UGT1A10: variants seen among roughly 807,000 people sequenced by gnomAD.
The protein encoded by UGT1A10 is UDP glucuronosyltransferase family 1 member A10, also known as UDP-glucuronosyltransferase 1A10.
UGT1A10 carries 49 observed loss-of-function variants against 45.8 expected under a neutral mutation model. The observed-to-expected ratio is 1.07, with a 90% CI of 0.85 to 1.36. The LOEUF is 1.36. UGT1A10 is among the 40% of genes most tolerant of loss of function. UGT1A10 has a pLI of 0.00. For missense variants in UGT1A10, 745 were observed against 668.6 expected (o/e 1.11, Z -1.26); for synonymous variants, 284 against 249.7 (o/e 1.14, Z -1.29).
At chr2:233,692,224 G>A (rs996571902) in intron 1 of UGT1A10, 1 of 152,382 alleles carries the variant, frequency 6.6e-6, no homozygotes, top group Admixed American at 6.5e-5. Context: ...AGAGATGGCA[G>A]ATGGGGCTCC....
At chr2:233,727,226 G>A (rs1435452926) in intron 1 of UGT1A10, among the ~76,000 whole-genome samples, 6 of 152,126 alleles carry the variant, frequency 3.9e-5, no homozygotes, top group Non-Finnish European at 8.8e-5. Flanking sequence ...CCACATATGC[G>A]GATGGCTCCA....
intron 1 of UGT1A10, chr2:233,693,318 T>C (rs2075145288): frequency 6.2e-7 from 1 of 1,614,116 alleles, no homozygotes; most frequent in African/African-American, 1.3e-5. Context: ...CGATCATTCC[T>C]AACTGCTCCT....
chr2:233,769,915 T>C lies in UGT1A10; in HGVS notation c.1295+1476T>C, dbSNP rs906114329. 1 of 293,246 alleles carries C rather than the reference T, an allele frequency of 3.4e-6. No individual in the cohort carries two copies. The allele number at this position is 293,246 out of a possible 1,614,324, so 18.2% of individuals were successfully genotyped here. Reference sequence around the variant, plus strand: ...ACCTGAGCATCATGTGCCCAGAGCGTTGGGTGGTGTGGTCCCATTCCTTCC... The same window carrying C: ...ACCTGAGCATCATGTGCCCAGAGCGCTGGGTGGTGTGGTCCCATTCCTTCC... On this transcript the variant is annotated intron_variant, in intron 4 of 4. Transcript: ENST00000344644. The surrounding 1 kb of genome is among the most constrained non-coding windows in gnomAD (Gnocchi z 4.4).
chr2:233,768,023 G>A, intron 3 of UGT1A10, 87 bp downstream of exon 3: 1 of 1,613,460 alleles, frequency 6.2e-7, no homozygotes, highest in Non-Finnish European at 8.5e-7. Flanking sequence ...GGATTGTTGA[G>A]CTTGAAAATA....
chr2:233,766,357 C>T (rs1461708777), intron 1 of UGT1A10, among the ~76,000 whole-genome samples: 1 of 152,122 alleles, frequency 6.6e-6, no homozygotes, highest in Non-Finnish European at 1.5e-5. Flanking sequence ...CCTGCCGGTG[C>T]CTGTTGGTGA....
chr2:233,726,566 C>G (rs772348074), intron 1 of UGT1A10, among the ~76,000 whole-genome samples: 4 of 152,178 alleles, frequency 2.6e-5, no homozygotes, highest in African/African-American at 2.4e-5. Flanking sequence ...CCCACTCTTA[C>G]GCCTGTCTCC....
rs1228937957 is a variant in UGT1A10 at position 233,725,058 on chromosome 2, G to C, written c.856-41976G>C. Reference sequence around the variant, plus strand: ...CAAAACCAGTCAGGCGTGGCGGCGCGCGCCTGCAATCGCAGGCACTCGGCA... The same window carrying C: ...CAAAACCAGTCAGGCGTGGCGGCGCCCGCCTGCAATCGCAGGCACTCGGCA... On this transcript the variant is annotated intron_variant, in intron 1 of 4. Coordinates refer to ENST00000344644, the MANE Select transcript of UGT1A10 (RefSeq NM_019075.4). Among the ~76,000 whole-genome samples the C allele has an allele frequency of 2.0e-5, 3 of 147,402 alleles. 1 individual carries two copies. The highest frequency in any genetic ancestry group is 5.1e-5 in the African/African-American group (2 of 39,480).
In UGT1A10 at chr2:233,729,061, T is replaced by C. The variant is rs3806596; in HGVS notation, c.856-37973T>C. On this transcript the variant is annotated intron_variant, in intron 1 of 4. Transcript: ENST00000344644. ...TGGCTCAGTGACAAGGTAATTAAGA[T>C]GAAGAAAGCAAATGTAGCAGGCACA... The C allele has an allele frequency of 0.47, 753,810 of 1,610,256 alleles. 184,343 individuals are homozygous for C. Among genetic ancestry groups the C allele is most frequent in the African/African-American group, 0.83 (61,848 of 74,960 alleles).
intron 1 of UGT1A10, chr2:233,760,886 A>C (rs1453639780): frequency 8.7e-6 from 14 of 1,613,816 alleles, no homozygotes; most frequent in Non-Finnish European, 1.1e-5. Flanking sequence ...CTCTCCTCTC[A>C]TTCAGATCAC....
At chr2:233,727,532 CGT>C in intron 1 of UGT1A10, among the ~76,000 whole-genome samples, 1 of 152,260 alleles carries the variant, frequency 6.6e-6, no homozygotes, top group South Asian at 2.1e-4. Context: ...CACTACCAGG[CGT>C]GTTCCACCCG....
chr2:233,693,627 G>A lies in UGT1A10; in HGVS notation c.855+56250G>A, dbSNP rs1434633397. On this transcript the variant is annotated intron_variant, in intron 1 of 4. Transcript: ENST00000344644. ...TCAGACCACATGACTTTTTCCCAAC[G>A]AGTGGCCAACTTCCTTGTTAATTTG... is the stretch of plus-strand genomic sequence containing the variant. 2.5e-6 allele frequency: 4 copies of A among 1,614,066 alleles called. No homozygotes were observed. The highest frequency in any genetic ancestry group is 1.7e-5 in the Admixed American group (1 of 60,010).
intron 1 of UGT1A10, among the ~76,000 whole-genome samples, chr2:233,640,901 C>T (rs1270487898): frequency 1.3e-5 from 2 of 152,070 alleles, no homozygotes; most frequent in Non-Finnish European, 2.9e-5. Context: ...GCTGGCAGGA[C>T]CAGGGGAAAG....
At position 233,722,845 on chromosome 2, in the gene UGT1A10, C is replaced by CTTT. The variant is rs61550889; in HGVS notation, c.856-44177_856-44175dup. Among the ~76,000 whole-genome samples the CTTT allele has an allele frequency of 2.2e-4, 30 of 135,360 alleles. 2 individuals carry two copies. The highest frequency in any genetic ancestry group is 7.7e-4 in the African/African-American group (28 of 36,400). The allele number at this position is 135,360 out of a possible 152,430, so 88.8% of individuals were successfully genotyped here. ...ATTTTGTATTATAATAAGAATGTTT[C>CTTT]TTTTTTTTTTTTTTGAAGGAAAAAA... On this transcript the variant is annotated intron_variant, in intron 1 of 4. Transcript: ENST00000344644.
chr2:233,678,270 A>T (rs1270285858), intron 1 of UGT1A10, among the ~76,000 whole-genome samples: 1 of 152,228 alleles, frequency 6.6e-6, no homozygotes, highest in Non-Finnish European at 1.5e-5. Context: ...CACACAATAT[A>T]CTCAGGTAAC....
chr2:233,699,793 A>G (rs529077089), intron 1 of UGT1A10, among the ~76,000 whole-genome samples: 1 of 152,296 alleles, frequency 6.6e-6, no homozygotes, highest in South Asian at 2.1e-4. Flanking sequence ...TCCTCCTCTC[A>G]TATTCTGGAG....
intron 1 of UGT1A10, among the ~76,000 whole-genome samples, chr2:233,742,359 GA>G (rs1415780327): frequency 1.3e-5 from 2 of 152,084 alleles, no homozygotes; most frequent in Admixed American, 6.5e-5. Flanking sequence ...ATCTGCAGCA[GA>G]AACATGTCCT....
At chr2:233,713,923 C>T in intron 1 of UGT1A10, 4 of 1,612,024 alleles carry the variant, frequency 2.5e-6, no homozygotes, top group Non-Finnish European at 3.4e-6. Context: ...AATGTATTTA[C>T]TTACAAGTGC....
At chr2:233,677,934 A>G (rs1358787847) in intron 1 of UGT1A10, among the ~76,000 whole-genome samples, 1 of 152,194 alleles carries the variant, frequency 6.6e-6, no homozygotes, top group African/African-American at 2.4e-5. Context: ...GCCCGTCAAC[A>G]GTGGCTTAGA....
rs563417082 is a variant in UGT1A10, at chr2:233,769,495, G to C, written c.1295+1056G>C. ...TGTGTGTGTGCGTGTGTTTATGAGA[G>C]TGTCCATTGCTTTCTCCCATGGTTA... is the stretch of plus-strand genomic sequence containing the variant. On this transcript the variant is annotated intron_variant, in intron 4 of 4. Transcript: ENST00000344644. The surrounding 1 kb of genome is among the most constrained non-coding windows in gnomAD (Gnocchi z 4.4). 1.4e-5 allele frequency: 23 copies of C among 1,612,758 alleles called. No individual in the cohort carries two copies. The South Asian group carries it at 2.2e-4, about 15-fold the overall frequency.
Sources: allele counts gnomAD v4.1 joint callset (sites outside exome capture counted in the v4.1 genomes callset), GRCh38; gene constraint gnomAD v4.1.1; non-coding constraint Gnocchi (gnomAD v3.1); transcripts MANE v1.5; gene names NCBI Gene and HGNC (gene_info 2026-07-23, HGNC 2026-07-21).